CA8: variants seen among roughly 807,000 people sequenced by gnomAD.
The protein encoded by CA8 is carbonic anhydrase 8 (inactive).
CA8 carries 22 observed loss-of-function variants against 41.4 expected under a neutral mutation model. The observed-to-expected ratio is 0.53, with a 90% CI of 0.38 to 0.76. The LOEUF (loss-of-function observed/expected upper bound fraction) is 0.76. Among genes scored for constraint, CA8 ranks in the 30% least tolerant of loss-of-function variants. The pLI is 0.00. For synonymous variants in CA8, 121 were observed against 130.6 expected (o/e 0.93, Z 0.50); for missense variants, 270 against 352.8 (o/e 0.77, Z 1.88).
chr8:60,193,371 G>A (rs1320707937), intron 8 of CA8, among the ~76,000 whole-genome samples: 1 of 152,146 alleles, frequency 6.6e-6, no homozygotes, highest in East Asian at 1.9e-4. Flanking sequence ...TCATTCTACT[G>A]TCATTCTGGC....
chr8:60,228,158 T>C (rs969011581), intron 4 of CA8, among the ~76,000 whole-genome samples: 4 of 152,188 alleles, frequency 2.6e-5, no homozygotes, highest in African/African-American at 9.7e-5. Flanking sequence ...CAAGAAACGC[T>C]CTACCTAAGA....
intron 7 of CA8, among the ~76,000 whole-genome samples, chr8:60,221,774 A>C (rs765422578): frequency 6.6e-6 from 1 of 152,226 alleles, no homozygotes; most frequent in Non-Finnish European, 1.5e-5. Flanking sequence ...AAATTATTAA[A>C]TGTTGGAAGA....
chr8:60,194,316 A>G (rs1350834857), intron 8 of CA8, among the ~76,000 whole-genome samples: 2 of 152,188 alleles, frequency 1.3e-5, no homozygotes, highest in Non-Finnish European at 2.9e-5. Flanking sequence ...CAACAAAACC[A>G]GAGTGGAGGC....
chr8:60,207,312 G>T (rs1339064877), intron 8 of CA8, among the ~76,000 whole-genome samples: 1 of 152,194 alleles, frequency 6.6e-6, no homozygotes, highest in Admixed American at 6.5e-5. Flanking sequence ...AACCCCATTA[G>T]ATCCATCAGA....
rs1234172477 is a variant in CA8, at chr8:60,188,906, G to A, written c.*1115C>T. On this transcript the variant is annotated 3_prime_UTR_variant, in exon 9 of 9. Transcript: ENST00000317995. ...ACCTGTCTTCTATTTCTATGACTTA[G>A]ATATTCTGCATCACAAAATCCCTCC... 6.6e-6 allele frequency: 1 copy of A among 152,090 alleles called. No homozygotes were observed. Among genetic ancestry groups the A allele is most frequent in the Non-Finnish European group, 1.5e-5 (1 of 68,032 alleles). 9.4% of individuals were successfully genotyped at this position (152,090 alleles called of 1,614,324 possible).
chr8:60,219,317 C>A (rs1413754923), intron 7 of CA8, among the ~76,000 whole-genome samples: 1 of 152,112 alleles, frequency 6.6e-6, no homozygotes, highest in East Asian at 1.9e-4. Flanking sequence ...TGCCACCACA[C>A]CCGGCTAATT....
At chr8:60,238,458 G>A (rs181739475) in intron 3 of CA8, among the ~76,000 whole-genome samples, 84 of 152,118 alleles carry the variant, frequency 5.5e-4, no homozygotes, top group Non-Finnish European at 9.4e-4. Flanking sequence ...ATGTCTTCTT[G>A]ACACCTCAAG....
intron 3 of CA8, among the ~76,000 whole-genome samples, chr8:60,263,876 C>G (rs1306435625): frequency 6.6e-6 from 1 of 152,186 alleles, no homozygotes; most frequent in Non-Finnish European, 1.5e-5. Flanking sequence ...ATGCACTCAA[C>G]AGGATAGAGC....
intron 3 of CA8, among the ~76,000 whole-genome samples, chr8:60,244,589 T>A (rs987815460): frequency 6.6e-6 from 1 of 152,184 alleles, no homozygotes; most frequent in Non-Finnish European, 1.5e-5. Context: ...CTATTTCATT[T>A]CTCTTTCATT....
In CA8 at chr8:60,266,021, C is replaced by A; in HGVS notation, c.321G>T (p.Gly107=). 1 of 1,613,584 alleles carries A rather than the reference C, an allele frequency of 6.2e-7. No homozygotes were observed. Among genetic ancestry groups the A allele is most frequent in the Non-Finnish European group, 8.5e-7 (1 of 1,179,538 alleles). Residue 107 remains glycine, a synonymous_variant, in exon 3 of 9, where the codon GGG becomes GGT. Coordinates refer to ENST00000317995, the MANE Select transcript of CA8 (RefSeq NM_004056.6). Reference sequence around the variant, plus strand: ...TCACTTCGTACAGTTCAAATTCATGCCCTTGAGGCAATGGTCCTCCCGAAA... The same window carrying A: ...TCACTTCGTACAGTTCAAATTCATGACCTTGAGGCAATGGTCCTCCCGAAA... ...SVLSGGPLPQ[G]HEFELYEVRF... is the part of the protein sequence containing the mutation.
In CA8 at chr8:60,281,274, G is replaced by A. The variant is rs1804419877; in HGVS notation, c.-127C>T. ...CACGCGTGAGCGGCAGTGTGAGTGC[G>A]AGAGCGCCTCCGGGTGTGAACCGCA... On this transcript the variant is annotated 5_prime_UTR_variant, in exon 1 of 9. Coordinates refer to ENST00000317995, the MANE Select transcript of CA8 (RefSeq NM_004056.6). The A allele has an allele frequency of 1.3e-5, 9 of 684,876 alleles. No homozygotes were observed. Among genetic ancestry groups the A allele is most frequent in the Non-Finnish European group, 2.3e-5 (9 of 388,902 alleles). 42.4% of individuals were successfully genotyped at this position (684,876 alleles called of 1,614,324 possible).
chr8:60,235,908 T>C (rs950355073), intron 3 of CA8, among the ~76,000 whole-genome samples: 8 of 152,174 alleles, frequency 5.3e-5, no homozygotes, highest in African/African-American at 1.9e-4. Context: ...TTCAAAGGTC[T>C]TTTTGACAGT....
rs749064742 is a variant in CA8, at chr8:60,208,767, T to C, written c.*18A>G. 1.9e-6 allele frequency: 3 copies of C among 1,614,154 alleles called. No individual in the cohort carries two copies. The highest frequency in any genetic ancestry group is 2.5e-6 in the Non-Finnish European group (3 of 1,179,992). ...GGACATACCCTCATGAAGACAGACT[T>C]GTTCCTGTCCTCTTTGGCTACTGAA... On this transcript the variant is annotated 3_prime_UTR_variant, in exon 8 of 9. Transcript: ENST00000317995.
intron 4 of CA8, among the ~76,000 whole-genome samples, chr8:60,231,394 G>A (rs1297984832): frequency 6.6e-6 from 1 of 152,038 alleles, no homozygotes; most frequent in African/African-American, 2.4e-5. Flanking sequence ...ACATATCTAG[G>A]AGATATGTAT....
At chr8:60,195,081 C>A (rs954576098) in intron 8 of CA8, among the ~76,000 whole-genome samples, 1 of 152,160 alleles carries the variant, frequency 6.6e-6, no homozygotes, top group Non-Finnish European at 1.5e-5. Context: ...TAAGGCTGAA[C>A]TCCTCCCTTT....
intron 8 of CA8, among the ~76,000 whole-genome samples, chr8:60,200,674 T>A (rs1006854655): frequency 6.6e-6 from 1 of 152,120 alleles, no homozygotes; most frequent in African/African-American, 2.4e-5. Flanking sequence ...TATAAATAGC[T>A]CAGATATTTA....
chr8:60,248,777 A>G (rs1231308676), intron 3 of CA8, among the ~76,000 whole-genome samples: 1 of 152,092 alleles, frequency 6.6e-6, no homozygotes, highest in East Asian at 1.9e-4. Context: ...AGTTTTTCTA[A>G]TTCTGTGAAG....
chr8:60,199,238 G>A (rs1187337379), intron 8 of CA8, among the ~76,000 whole-genome samples: 1 of 152,078 alleles, frequency 6.6e-6, no homozygotes, highest in Non-Finnish European at 1.5e-5. Context: ...TTGGGCATTA[G>A]GCAGGAGTAA....
intron 4 of CA8, 98 bp downstream of exon 4, chr8:60,232,186 T>C: frequency 1.1e-6 from 1 of 875,928 alleles, no homozygotes; most frequent in Non-Finnish European, 1.9e-6. Context: ...GTGTGTAATT[T>C]CATCTCTAAG....
Sources: gnomAD v4.1 joint callset for allele counts (sites outside exome capture counted in the v4.1 genomes callset) on GRCh38, gnomAD v4.1.1 for gene constraint, MANE v1.5 for transcripts, NCBI Gene and HGNC (gene_info 2026-07-23, HGNC 2026-07-21) for gene names.